Variants in SLC22A25 observed in about 807,000 individuals in gnomAD.
SLC22A25 encodes the protein MGI:2442751, MGI:2385316, MGI:3042283, MGI:3645714, MGI:3605624, MGI:2442750.
SLC22A25 carries 44 observed loss-of-function variants against 45.9 expected under a neutral mutation model. The ratio of observed to expected loss-of-function variants is 0.96; its 90% CI spans 0.75 to 1.23. SLC22A25 has a LOEUF of 1.23. SLC22A25 is among the 50% of genes most tolerant of loss of function. The pLI, the probability that SLC22A25 is intolerant of heterozygous loss-of-function variation, is 0.00. For missense variants in SLC22A25, 800 were observed against 666.4 expected (o/e 1.20, Z -2.21); for synonymous variants, 283 against 238.6 (o/e 1.19, Z -1.72).
At chr11:63,167,923 T>G (rs1245709663) in intron 9 of SLC22A25, 1 of 402,268 alleles carries the variant, frequency 2.5e-6, no homozygotes, top group Non-Finnish European at 4.9e-6. Context: ...GAGCTCTGGC[T>G]GGCATCAGGC....
intron 5 of SLC22A25, among the ~76,000 whole-genome samples, chr11:63,225,095 T>C (rs564596983): frequency 1.1e-4 from 17 of 152,258 alleles, no homozygotes; most frequent in African/African-American, 4.1e-4. Context: ...CAAGACTCCG[T>C]CTCAAAATAA....
intron 7 of SLC22A25, among the ~76,000 whole-genome samples, chr11:63,205,071 T>C (rs772862736): frequency 5.3e-5 from 8 of 152,026 alleles, no homozygotes; most frequent in Non-Finnish European, 1.0e-4. Context: ...ATTGGGTAAA[T>C]AACAAAATTA....
At chr11:63,217,847 C>T (rs1590888959) in intron 5 of SLC22A25, 112 bp from the exon 6 acceptor site, 2 of 1,271,456 alleles carry the variant, frequency 1.6e-6, no homozygotes, top group Non-Finnish European at 2.2e-6. Flanking sequence ...TGAAACTTTA[C>T]ACTTAAAACG....
chr11:63,225,820 A>C (rs978685721), intron 5 of SLC22A25, among the ~76,000 whole-genome samples: 11 of 151,742 alleles, frequency 7.2e-5, no homozygotes, highest in Admixed American at 7.2e-4. Context: ...CCTTCTTTTT[A>C]ATTCTTTTCA....
intron 7 of SLC22A25, among the ~76,000 whole-genome samples, chr11:63,213,600 A>C (rs1406424025): frequency 6.6e-6 from 1 of 152,188 alleles, no homozygotes; most frequent in Non-Finnish European, 1.5e-5. Context: ...CAATTCTAGA[A>C]TGCTAAAGTA....
At chr11:63,220,673 C>A (rs2089833248) in intron 5 of SLC22A25, among the ~76,000 whole-genome samples, 1 of 152,178 alleles carries the variant, frequency 6.6e-6, no homozygotes, top group Non-Finnish European at 1.5e-5. Context: ...TTATTACTGA[C>A]TGCAGTCACC....
At position 63,191,245 on chromosome 11, in the gene SLC22A25, G is replaced by A. The variant is rs1365316015; in HGVS notation, c.831-7428C>T. ...GTTTACCTACTCAAACCTTGGCAAT[G>A]GTGGGTGCCCCTCCCCCAGCCTCGC... is the stretch of plus-strand genomic sequence containing the variant. On this transcript the variant is annotated intron_variant, in intron 7 of 11. Transcript: ENST00000306494. Among the ~76,000 whole-genome samples, 10 of 152,196 alleles carry A rather than the reference G, an allele frequency of 6.6e-5. No homozygotes were observed. In the East Asian group the frequency reaches 7.7e-4, roughly 12 times the overall value.
chr11:63,243,331 G>T (rs2090283056), intron 1 of SLC22A25, 103 bp downstream of exon 1: 3 of 513,760 alleles, frequency 5.8e-6, no homozygotes, highest in South Asian at 4.0e-5. Flanking sequence ...GAACCATTTG[G>T]GATGGAAAAG....
chr11:63,169,721 A>T (rs11537206), intron 9 of SLC22A25, among the ~76,000 whole-genome samples: 55,009 of 151,920 alleles, frequency 0.36, 10,298 homozygotes, highest in East Asian at 0.56. Context: ...ATAGTAGGAG[A>T]CTTTAACATC....
At chr11:63,223,054 C>A (rs2089886846) in intron 5 of SLC22A25, among the ~76,000 whole-genome samples, 2 of 151,938 alleles carry the variant, frequency 1.3e-5, no homozygotes, top group African/African-American at 4.8e-5. Context: ...ATTTTTTCAT[C>A]AATGTTCTTC....
At chr11:63,224,618 G>A (rs189484472) in intron 5 of SLC22A25, among the ~76,000 whole-genome samples, 1 of 151,748 alleles carries the variant, frequency 6.6e-6, no homozygotes. Context: ...TAGATTTGAG[G>A]TTACCATGAG....
Position 63,198,265 on chromosome 11 carries a change from A to T in SLC22A25, c.831-14448T>A, listed in dbSNP as rs563930706. ...TTATAAATCATGCTGCTATAAAGACACATGCACACATATGTTTATTGTGGC... is the reference window on the plus strand; with the variant it reads ...TTATAAATCATGCTGCTATAAAGACTCATGCACACATATGTTTATTGTGGC... On this transcript the variant is annotated intron_variant, in intron 7 of 11. Transcript: ENST00000306494. 6.3e-3 allele frequency among the ~76,000 whole-genome samples: 966 copies of T among 152,364 alleles called. 4 individuals carry two copies. The highest frequency in any genetic ancestry group is 0.01 in the Non-Finnish European group (703 of 68,032).
intron 9 of SLC22A25, among the ~76,000 whole-genome samples, chr11:63,172,736 G>T (rs1173315518): frequency 2.0e-5 from 3 of 151,460 alleles, no homozygotes; most frequent in Non-Finnish European, 2.9e-5. Context: ...TGAAGAGGAT[G>T]TGGAGAAATA....
intron 7 of SLC22A25, among the ~76,000 whole-genome samples, chr11:63,188,791 G>T (rs138874224): frequency 6.6e-6 from 1 of 151,994 alleles, no homozygotes; most frequent in African/African-American, 2.4e-5. Context: ...TTCTGCCTTC[G>T]TTTTGTTATG....
chr11:63,201,126 A>G (rs2089229531), intron 7 of SLC22A25, among the ~76,000 whole-genome samples: 1 of 152,172 alleles, frequency 6.6e-6, no homozygotes, highest in Non-Finnish European at 1.5e-5. Flanking sequence ...TACCACTGAG[A>G]TTCTTCACAG....
chr11:63,235,570 T>C (rs1480908079), intron 3 of SLC22A25, among the ~76,000 whole-genome samples: 1 of 152,236 alleles, frequency 6.6e-6, no homozygotes, highest in African/African-American at 2.4e-5. Context: ...AGTTTTTAAC[T>C]TCTTTGCCAT....
chr11:63,188,681 G>C (rs993580088), intron 7 of SLC22A25, among the ~76,000 whole-genome samples: 1 of 151,936 alleles, frequency 6.6e-6, no homozygotes, highest in Non-Finnish European at 1.5e-5. Flanking sequence ...TTGTGGGCAT[G>C]TAGTGCTATA....
intron 11 of SLC22A25, 89 bp downstream of exon 11, chr11:63,164,437 C>A (rs1240241978): frequency 1.8e-6 from 2 of 1,135,242 alleles, no homozygotes; most frequent in South Asian, 1.3e-5. Context: ...TTTTAACTAA[C>A]TTGTCTTGGA....
rs2088295841 is a variant in SLC22A25, at chr11:63,180,873, T to A, written c.955-98A>T. On this transcript the variant is annotated intron_variant, in intron 8 of 11. Transcript: ENST00000306494. ...CCAACAGATGACAAGATAGATGACA[T>A]CCCTTTCTGTCTAGCAGAAAATACA... 3 of 757,266 alleles carry A rather than the reference T, an allele frequency of 4.0e-6. No individual in the cohort carries two copies. In the South Asian group the frequency reaches 5.5e-5, roughly 14 times the overall value. The allele number at this position is 757,266 out of a possible 1,614,324, so 46.9% of individuals were successfully genotyped here.
Sources: allele counts gnomAD v4.1 joint callset (sites outside exome capture counted in the v4.1 genomes callset), GRCh38; gene constraint gnomAD v4.1.1; transcripts MANE v1.5; gene names NCBI Gene and HGNC (gene_info 2026-07-23, HGNC 2026-07-21).